The following LRRC2 variants were observed in gnomAD, a reference collection of about 807,000 sequenced individuals.
LRRC2 encodes the protein leucine rich repeat containing 2.
In LRRC2, 27 loss-of-function variants were observed where a neutral mutation model predicts 40.2. That is an observed-to-expected ratio of 0.67 (90% CI 0.49 to 0.93). The LOEUF is 0.93. Ranked by LOEUF, LRRC2 falls within the 40% of genes least tolerant of loss-of-function variation. The pLI, the probability that LRRC2 is intolerant of heterozygous loss-of-function variation, is 0.00. For synonymous variants in LRRC2, 147 were observed against 158.9 expected (o/e 0.92, Z 0.56); for missense variants, 402 against 439.6 (o/e 0.91, Z 0.76).
intron 2 of LRRC2, among the ~76,000 whole-genome samples, chr3:46,546,715 CTT>C (rs71098416): frequency 5.6e-5 from 6 of 106,590 alleles, no homozygotes; most frequent in Admixed American, 1.1e-4. Flanking sequence ...CAATTTGCTC[CTT>C]TTTTTTTTTT....
At chr3:46,541,810 G>A (rs533375590) in intron 3 of LRRC2, among the ~76,000 whole-genome samples, 2 of 152,286 alleles carry the variant, frequency 1.3e-5, no homozygotes, top group African/African-American at 4.8e-5. Context: ...CCAGTAGGAA[G>A]CTGAGGCTTA....
intron 1 of LRRC2, among the ~76,000 whole-genome samples, chr3:46,560,512 C>A (rs573054184): frequency 6.6e-6 from 1 of 152,202 alleles, no homozygotes; most frequent in East Asian, 1.9e-4. Flanking sequence ...TTAACCTCTA[C>A]GGGATCCAGT....
At chr3:46,538,904 G>A (rs1704324294) in intron 4 of LRRC2, 141 bp downstream of exon 4, 3 of 804,298 alleles carry the variant, frequency 3.7e-6, no homozygotes, top group South Asian at 1.9e-5. Flanking sequence ...GCAGCTCTGG[G>A]GAGCCTCCAA....
At chr3:46,522,614 GAGGCA>G (rs2106977260) in intron 7 of LRRC2, among the ~76,000 whole-genome samples, 1 of 152,194 alleles carries the variant, frequency 6.6e-6, no homozygotes, top group Admixed American at 6.5e-5. Flanking sequence ...TCGGCAGGCT[GAGGCA>G]AGAAGATGGT....
chr3:46,531,352 T>C (rs1357154717), intron 5 of LRRC2, among the ~76,000 whole-genome samples: 1 of 151,936 alleles, frequency 6.6e-6, no homozygotes, highest in Admixed American at 6.6e-5. Context: ...TGTACACTTG[T>C]AATGGGTGAG....
chr3:46,556,281 G>A (rs920820981), intron 1 of LRRC2, among the ~76,000 whole-genome samples: 9 of 151,596 alleles, frequency 5.9e-5, no homozygotes, highest in East Asian at 1.9e-4. Flanking sequence ...CACCATATCT[G>A]GCTAATTTTT....
intron 2 of LRRC2, among the ~76,000 whole-genome samples, chr3:46,546,195 G>A (rs1704522125): frequency 6.6e-6 from 1 of 152,206 alleles, no homozygotes; most frequent in Admixed American, 6.5e-5. Flanking sequence ...CGTGGCCCAA[G>A]GCAGTATATA....
At chr3:46,526,834 G>T (rs980401870) in intron 7 of LRRC2, among the ~76,000 whole-genome samples, 1 of 152,226 alleles carries the variant, frequency 6.6e-6, no homozygotes, top group African/African-American at 2.4e-5. Context: ...GGCCCAAACC[G>T]CTAGGGATGG....
At position 46,518,797 on chromosome 3, in the gene LRRC2, G is replaced by A; in HGVS notation, c.*217C>T. On this transcript the variant is annotated 3_prime_UTR_variant, in exon 9 of 9. Coordinates refer to ENST00000395905, the MANE Select transcript of LRRC2 (RefSeq NM_024512.5). ...GAAAAAAGTATATGCAAATGAACCT[G>A]GAAATATCAATATACAAACCAATTT... 1 of 458,838 alleles carries A rather than the reference G, an allele frequency of 2.2e-6. No homozygotes were observed. The highest frequency in any genetic ancestry group is 5.7e-4 in the Middle Eastern group (1 of 1,768). The allele number at this position is 458,838 out of a possible 1,614,324, so 28.4% of individuals were successfully genotyped here. A position where few individuals can be genotyped will look rare whatever the true frequency, so the allele number is the denominator to read the frequency against.
chr3:46,546,822 G>A (rs1372409930), intron 2 of LRRC2, among the ~76,000 whole-genome samples: 3 of 148,626 alleles, frequency 2.0e-5, no homozygotes, highest in Admixed American at 6.8e-5. Flanking sequence ...ACGTTCAAGC[G>A]ATTCTCCTGC....
intron 8 of LRRC2, among the ~76,000 whole-genome samples, chr3:46,521,146 A>C (rs1327058948): frequency 1.3e-5 from 2 of 152,194 alleles, no homozygotes; most frequent in Non-Finnish European, 2.9e-5. Context: ...TAACTTTTTC[A>C]AAAGTTGAAT....
chr3:46,552,259 A>T (rs1423093368), intron 1 of LRRC2, among the ~76,000 whole-genome samples: 1 of 152,010 alleles, frequency 6.6e-6, no homozygotes, highest in Admixed American at 6.6e-5. Context: ...ATCAAGGATA[A>T]GTTAGATGAA....
intron 1 of LRRC2, chr3:46,557,364 CTT>C (rs1449821345): frequency 6.6e-6 from 1 of 152,208 alleles, no homozygotes; most frequent in African/African-American, 2.4e-5. Flanking sequence ...CTACCCAAAT[CTT>C]ATAAAACGGC....
chr3:46,524,615 A>C (rs1704023908), intron 7 of LRRC2, among the ~76,000 whole-genome samples: 1 of 152,190 alleles, frequency 6.6e-6, no homozygotes, highest in Non-Finnish European at 1.5e-5. Flanking sequence ...TCTCATAAAA[A>C]TGTTGAGATT....
chr3:46,553,225 A>C (rs73069997), intron 1 of LRRC2, among the ~76,000 whole-genome samples: 7,369 of 151,296 alleles, frequency 0.049, 274 homozygotes, highest in South Asian at 0.15. Context: ...CTTTCAGTGT[A>C]CATTCCACTA....
At chr3:46,551,687 T>A in intron 1 of LRRC2, 77 bp from the exon 2 acceptor site, 2 of 1,054,350 alleles carry the variant, frequency 1.9e-6, no homozygotes, top group Non-Finnish European at 1.3e-6. Context: ...TAAAATGAAA[T>A]ATGAATGAAT....
intron 2 of LRRC2, among the ~76,000 whole-genome samples, chr3:46,550,099 CA>C (rs1354905572): frequency 6.6e-6 from 1 of 152,116 alleles, no homozygotes; most frequent in Non-Finnish European, 1.5e-5. Flanking sequence ...AGATTAGTGG[CA>C]AGAGAAAAGA....
At chr3:46,550,377 CTT>C (rs34602158) in intron 2 of LRRC2, among the ~76,000 whole-genome samples, 48 of 84,016 alleles carry the variant, frequency 5.7e-4, no homozygotes, top group Middle Eastern at 0.011. Context: ...CCTTACACAT[CTT>C]TTTTTTTTTT....
chr3:46,564,180 G>T (rs1309178394), intron 1 of LRRC2, among the ~76,000 whole-genome samples: 1 of 152,070 alleles, frequency 6.6e-6, no homozygotes, highest in African/African-American at 2.4e-5. Context: ...AAAGAGAAAG[G>T]GTGGGGGAGG....
Sources: gnomAD v4.1 joint callset for allele counts (sites outside exome capture counted in the v4.1 genomes callset) on GRCh38, gnomAD v4.1.1 for gene constraint, MANE v1.5 for transcripts, NCBI Gene and HGNC (gene_info 2026-07-23, HGNC 2026-07-21) for gene names.